The following NTM variants were observed in gnomAD, a reference collection of about 807,000 sequenced individuals.
The protein encoded by NTM is IgLON family member 2.
Under a neutral mutation model 42.1 loss-of-function variants are expected in NTM, and 13 were observed. The ratio of observed to expected loss-of-function variants is 0.31; its 90% CI spans 0.20 to 0.49. The LOEUF (loss-of-function observed/expected upper bound fraction) is 0.49. NTM is among the 20% of genes least tolerant of loss of function. NTM has a pLI of 0.99. For missense variants in NTM, 373 were observed against 452.8 expected (o/e 0.82, Z 1.60); for synonymous variants, 187 against 179.2 (o/e 1.04, Z -0.35).
intron 1 of NTM, among the ~76,000 whole-genome samples, chr11:131,651,551 GATC>G (rs1025826435): frequency 5.3e-5 from 8 of 152,124 alleles, no homozygotes; most frequent in African/African-American, 1.7e-4. Context: ...GGGATAAAAA[GATC>G]ATAAAGGCCG....
chr11:132,108,134 C>T (rs755751418), intron 2 of NTM, among the ~76,000 whole-genome samples: 1 of 152,202 alleles, frequency 6.6e-6, no homozygotes, highest in Non-Finnish European at 1.5e-5. Context: ...CTTTCCTCCC[C>T]ATCTCGTAAT....
At chr11:131,644,732 T>G (rs181700202) in intron 1 of NTM, among the ~76,000 whole-genome samples, 222 of 152,250 alleles carry the variant, frequency 1.5e-3, no homozygotes, top group Non-Finnish European at 2.7e-3. Context: ...ACATGATGGA[T>G]TTTTCTTAAG....
At chr11:131,506,228 G>T (rs760175063) in intron 1 of NTM, among the ~76,000 whole-genome samples, 2 of 152,014 alleles carry the variant, frequency 1.3e-5, no homozygotes, top group East Asian at 1.9e-4. Context: ...GGCCCTTTCC[G>T]TACCTCATTC....
At chr11:132,092,851 C>T (rs908545626) in intron 2 of NTM, among the ~76,000 whole-genome samples, 14 of 152,282 alleles carry the variant, frequency 9.2e-5, no homozygotes, top group Admixed American at 7.8e-4. Flanking sequence ...ATTTTGACTT[C>T]CCAAATCTGT....
intron 1 of NTM, among the ~76,000 whole-genome samples, chr11:131,458,769 T>C (rs1193949563): frequency 6.6e-6 from 1 of 152,250 alleles, no homozygotes; most frequent in African/African-American, 2.4e-5. Flanking sequence ...GGTTGTCAAA[T>C]GCTGGAGCAA....
At chr11:131,772,153 G>A (rs1010955698) in intron 1 of NTM, among the ~76,000 whole-genome samples, 4 of 152,046 alleles carry the variant, frequency 2.6e-5, no homozygotes, top group African/African-American at 4.8e-5. Flanking sequence ...CTGCCCTCAG[G>A]GAGCTTGTGA....
intron 1 of NTM, among the ~76,000 whole-genome samples, chr11:131,909,509 G>C (rs569326672): frequency 6.6e-6 from 1 of 152,276 alleles, no homozygotes; most frequent in Admixed American, 6.5e-5. Flanking sequence ...TAGAGTCTAG[G>C]GGAAAAACAA....
intron 1 of NTM, among the ~76,000 whole-genome samples, chr11:131,681,456 A>T (rs1301041311): frequency 0.024 from 21 of 868 alleles, no homozygotes; most frequent in Non-Finnish European, 0.027. Context: ...TGTGTGTGTG[A>T]GCGTGTGTGT....
At chr11:131,712,185 CAAA>C (rs1054778451) in intron 1 of NTM, among the ~76,000 whole-genome samples, 1 of 131,318 alleles carries the variant, frequency 7.6e-6, no homozygotes, top group Non-Finnish European at 1.7e-5. Context: ...AAAAAAAAAA[CAAA>C]AAAAAACCCC....
intron 1 of NTM, among the ~76,000 whole-genome samples, chr11:131,638,854 T>A (rs1412119241): frequency 6.6e-6 from 1 of 151,628 alleles, no homozygotes; most frequent in Non-Finnish European, 1.5e-5. Flanking sequence ...CTTCTCCCTG[T>A]ACACCATATG....
At chr11:131,519,653 C>T (rs2049351273) in intron 1 of NTM, among the ~76,000 whole-genome samples, 1 of 146,584 alleles carries the variant, frequency 6.8e-6, no homozygotes, top group South Asian at 2.2e-4. Flanking sequence ...CAGCCCAACT[C>T]TTCTTTACTT....
intron 1 of NTM, among the ~76,000 whole-genome samples, chr11:131,552,552 A>C (rs1381653751): frequency 1.3e-5 from 2 of 148,948 alleles, no homozygotes; most frequent in Admixed American, 1.4e-4. Context: ...GCGGTGGCTC[A>C]CAACTGTAAT....
At chr11:131,530,522 A>T (rs1229295648) in intron 1 of NTM, among the ~76,000 whole-genome samples, 1 of 152,098 alleles carries the variant, frequency 6.6e-6, no homozygotes, top group Non-Finnish European at 1.5e-5. Flanking sequence ...GGAAGGGAAA[A>T]CACTTTCCCC....
chr11:131,856,918 G>C (rs2046159871), intron 1 of NTM, among the ~76,000 whole-genome samples: 1 of 152,134 alleles, frequency 6.6e-6, no homozygotes, highest in African/African-American at 2.4e-5. Context: ...GATAAAACTG[G>C]GGCTGGCAGC....
At chr11:131,677,269 C>T (rs11222736) in intron 1 of NTM, among the ~76,000 whole-genome samples, 11,547 of 152,202 alleles carry the variant, frequency 0.076, 766 homozygotes, top group East Asian at 0.36. Context: ...GCAGATCACC[C>T]GCCTCCCGTG....
At chr11:132,315,570 G>A (rs2095407105) in intron 7 of NTM, among the ~76,000 whole-genome samples, 2 of 152,216 alleles carry the variant, frequency 1.3e-5, no homozygotes. Flanking sequence ...ACTCTTGAAT[G>A]TGATGGGGAA....
chr11:132,321,575 A>G (rs376043130), intron 7 of NTM, among the ~76,000 whole-genome samples: 15 of 152,330 alleles, frequency 9.8e-5, no homozygotes, highest in Admixed American at 5.2e-4. Context: ...AAGTGATGGG[A>G]AGAATGGAAC....
chr11:132,219,827 C>T (rs888954887), intron 4 of NTM, among the ~76,000 whole-genome samples: 8 of 152,180 alleles, frequency 5.3e-5, no homozygotes, highest in African/African-American at 1.9e-4. Flanking sequence ...CTCCTCTTCA[C>T]TCCCACCCGT....
chr11:131,957,557 C>T (rs1009280754), intron 2 of NTM, among the ~76,000 whole-genome samples: 1 of 152,202 alleles, frequency 6.6e-6, no homozygotes, highest in African/African-American at 2.4e-5. Flanking sequence ...CATTCTTAAA[C>T]CCTGCAGCCC....
Sources: allele counts gnomAD v4.1 joint callset (sites outside exome capture counted in the v4.1 genomes callset), GRCh38; gene constraint gnomAD v4.1.1; transcripts MANE v1.5; gene names NCBI Gene and HGNC (gene_info 2026-07-23, HGNC 2026-07-21).